The following SLC12A1 variants were observed in gnomAD, a reference collection of about 807,000 sequenced individuals.
The protein encoded by SLC12A1 is Na-K-2Cl cotransporter.
A neutral mutation model predicts 130.4 loss-of-function variants in SLC12A1; 89 were observed. The ratio of observed to expected loss-of-function variants is 0.68; its 90% confidence interval spans 0.58 to 0.81. The LOEUF (loss-of-function observed/expected upper bound fraction) is 0.81. Among genes scored for constraint, SLC12A1 ranks in the 40% least tolerant of loss-of-function variants. SLC12A1 has a pLI of 0.00. For synonymous variants in SLC12A1, 499 were observed against 460.0 expected (o/e 1.08, Z -1.09); for missense variants, 1,310 against 1,336.4 (o/e 0.98, Z 0.31).
intron 4 of SLC12A1, chr15:48,224,969 T>C (rs2041265555): frequency 6.6e-6 from 1 of 152,196 alleles, no homozygotes; most frequent in Non-Finnish European, 1.5e-5. Flanking sequence ...TTTCATTTTA[T>C]TTGTGTCTTG....
chr15:48,260,817 C>G (rs114659388), intron 17 of SLC12A1, among the ~76,000 whole-genome samples: 35 of 152,304 alleles, frequency 2.3e-4, no homozygotes, highest in African/African-American at 8.2e-4. Context: ...GCTAATTTAC[C>G]ACATGTCATC....
chr15:48,235,350 A>G (rs1485246766), intron 9 of SLC12A1: 2 of 304,134 alleles, frequency 6.6e-6, no homozygotes, highest in African/African-American at 4.3e-5. Flanking sequence ...AAAAGTAAAA[A>G]AAAAACAAAA....
At chr15:48,237,535 G>A (rs1365678172) in intron 9 of SLC12A1, among the ~76,000 whole-genome samples, 1 of 152,120 alleles carries the variant, frequency 6.6e-6, no homozygotes, top group Non-Finnish European at 1.5e-5. Context: ...CTGATGCTGA[G>A]TTCACATGTA....
intron 15 of SLC12A1, among the ~76,000 whole-genome samples, chr15:48,252,536 C>T (rs968483083): frequency 7.2e-5 from 11 of 152,060 alleles, no homozygotes; most frequent in African/African-American, 2.4e-4. Context: ...ATATAGTAAC[C>T]ACTATGAGAG....
intron 20 of SLC12A1, among the ~76,000 whole-genome samples, chr15:48,278,176 G>A (rs2041974231): frequency 6.6e-6 from 1 of 152,178 alleles, no homozygotes; most frequent in Non-Finnish European, 1.5e-5. Flanking sequence ...CCCGGGAGGC[G>A]GAGCTTGCAG....
In SLC12A1 at chr15:48,247,031, A is replaced by G. The variant is rs372594352; in HGVS notation, c.1560+15A>G. 47 of 1,562,274 alleles carry G rather than the reference A, an allele frequency of 3.0e-5. 1 individual carries two copies. The highest frequency in any genetic ancestry group is 3.4e-4 in the Middle Eastern group (2 of 5,960). The stretch of plus-strand genomic sequence containing the variant: ...AAGTGTTCCAGGTAATACAAGCACA[A>G]CAGCTTGTGCTTCTCCCTATTGCTA... On this transcript the variant is annotated intron_variant, in intron 12 of 26. Transcript: ENST00000380993.
At chr15:48,225,851 G>A (rs2041278560) in intron 4 of SLC12A1, 5 of 972,446 alleles carry the variant, frequency 5.1e-6, no homozygotes, top group Non-Finnish European at 6.1e-6. Flanking sequence ...TTTCAACTGA[G>A]GTCTTGGTGT....
Position 48,249,590 on chromosome 15 carries a change from T to C in SLC12A1, c.1700T>C (p.Ile567Thr). The C allele has an allele frequency of 6.2e-7, 1 of 1,613,782 alleles. No individual in the cohort carries two copies. Among genetic ancestry groups the C allele is most frequent in the East Asian group, 2.2e-5 (1 of 44,874 alleles). The change falls in exon 14 of 27, where the codon ATT becomes ACT. Residue 567 changes from isoleucine to threonine, a missense_variant. Ile to Thr is a moderately conservative substitution (Grantham distance 89). Coordinates refer to ENST00000380993, the MANE Select transcript of SLC12A1 (RefSeq NM_000338.3). ...ACTTTTACAGCGGAACTGAACACCA[T>C]TGCTCCCATCATCTCCAACTTTTTC... ...AFILIAELNTIAPIISNFFLA... is the reference protein window; with the variant it reads ...AFILIAELNTTAPIISNFFLA...
At chr15:48,292,682 T>A (rs750350291) in intron 24 of SLC12A1, among the ~76,000 whole-genome samples, 4 of 152,164 alleles carry the variant, frequency 2.6e-5, no homozygotes, top group Non-Finnish European at 5.9e-5. Flanking sequence ...GGTATGTAGA[T>A]GGCCGCCTCC....
intron 14 of SLC12A1, among the ~76,000 whole-genome samples, chr15:48,250,246 C>T (rs2041631194): frequency 6.6e-6 from 1 of 152,220 alleles, no homozygotes; most frequent in African/African-American, 2.4e-5. Flanking sequence ...TTGTCCACTA[C>T]AGTTTCTTCT....
At chr15:48,245,907 A>C (rs995510067) in intron 11 of SLC12A1, among the ~76,000 whole-genome samples, 1 of 152,234 alleles carries the variant, frequency 6.6e-6, no homozygotes, top group Non-Finnish European at 1.5e-5. Flanking sequence ...GAAAGCCTAG[A>C]AGACAAAGCT....
intron 4 of SLC12A1, among the ~76,000 whole-genome samples, chr15:48,221,634 TA>T (rs1223462273): frequency 6.6e-6 from 1 of 152,246 alleles, no homozygotes; most frequent in African/African-American, 2.4e-5. Context: ...TTTAATGTTT[TA>T]AATATTACAT....
chr15:48,262,070 T>C (rs2041780906), intron 17 of SLC12A1, among the ~76,000 whole-genome samples: 1 of 152,250 alleles, frequency 6.6e-6, no homozygotes, highest in African/African-American at 2.4e-5. Context: ...TGGTATGCTA[T>C]AGTTGCCATT....
intron 17 of SLC12A1, among the ~76,000 whole-genome samples, chr15:48,263,334 C>T (rs1597438622): frequency 6.6e-6 from 1 of 152,252 alleles, no homozygotes; most frequent in South Asian, 2.1e-4. Context: ...TTTTGCTTGT[C>T]TTACCTTGCA....
intron 10 of SLC12A1, among the ~76,000 whole-genome samples, chr15:48,242,698 AGG>A (rs1369402603): frequency 6.6e-6 from 1 of 152,126 alleles, no homozygotes; most frequent in Admixed American, 6.5e-5. Context: ...GCGACTTGGA[AGG>A]GTGAGGTGGG....
At position 48,283,649 on chromosome 15, in the gene SLC12A1, T is replaced by C. The variant is rs188746655; in HGVS notation, c.2486-1457T>C. ...TGACTGTCCTGACAGATTTAGTTAG[T>C]ACATAATTGATAAATCTAGAGTTTG... On this transcript the variant is annotated intron_variant, in intron 20 of 26. Coordinates refer to ENST00000380993, the MANE Select transcript of SLC12A1 (RefSeq NM_000338.3). Among the ~76,000 whole-genome samples, 36 of 152,356 alleles carry C rather than the reference T, an allele frequency of 2.4e-4. No homozygotes were observed. In the East Asian group the frequency reaches 4.4e-3, roughly 19 times the overall value.
Position 48,274,544 on chromosome 15 carries a change from C to T in SLC12A1, c.2403-27C>T, listed in dbSNP as rs372297578. 1.4e-4 allele frequency: 213 copies of T among 1,532,416 alleles called. No homozygotes were observed. In the African/African-American group the frequency reaches 2.4e-3, roughly 17 times the overall value. 94.9% of individuals were successfully genotyped at this position (1,532,416 alleles called of 1,614,324 possible). A position where few individuals can be genotyped will look rare whatever the true frequency, so the allele number is the denominator to read the frequency against. ...TGAGGATTAAAAGAGCCATTTAAAA[C>T]GCTGACTGCTTTGCTTCCTCTTTCA... On this transcript the variant is annotated intron_variant, in intron 19 of 26. Coordinates refer to ENST00000380993, the MANE Select transcript of SLC12A1 (RefSeq NM_000338.3).
chr15:48,275,082 T>C (rs1474078536), intron 20 of SLC12A1, among the ~76,000 whole-genome samples: 11 of 152,204 alleles, frequency 7.2e-5, no homozygotes, highest in Admixed American at 7.2e-4. Flanking sequence ...GAATGTATCA[T>C]GCTGTGAATC....
Position 48,230,430 on chromosome 15 carries a change from TC to T in SLC12A1, c.904del (p.Arg302GlyfsTer3), listed in dbSNP as rs745334373. On this transcript the variant is annotated frameshift_variant, in exon 7 of 27. Coordinates refer to ENST00000380993, the MANE Select transcript of SLC12A1 (RefSeq NM_000338.3). LOFTEE classifies it high-confidence loss of function. ...ATGATGGTGGATCCAACCAATGACA[TC>T]CGGATTATAGGCTCCATCACAGTGG... is the stretch of plus-strand genomic sequence containing the variant. ...DSMMVDPTND[I>X]RIIGSITVVI... 2 of 1,612,948 alleles carry T rather than the reference TC, an allele frequency of 1.2e-6. No homozygotes were observed. Among genetic ancestry groups the T allele is most frequent in the Non-Finnish European group, 1.7e-6 (2 of 1,179,542 alleles).
Sources: allele counts gnomAD v4.1 joint callset (sites outside exome capture counted in the v4.1 genomes callset), GRCh38; gene constraint gnomAD v4.1.1; transcripts MANE v1.5; gene names NCBI Gene and HGNC (gene_info 2026-07-23, HGNC 2026-07-21).